Variants in CYGB observed in about 807,000 individuals in gnomAD.
CYGB encodes the protein histoglobin.
A neutral mutation model predicts 20.7 loss-of-function variants in CYGB; 13 were observed. That is an observed-to-expected ratio of 0.63 (90% confidence interval 0.41 to 1.00). The LOEUF (loss-of-function observed/expected upper bound fraction) is 1.00. Among genes scored for constraint, CYGB ranks in the 50% least tolerant of loss-of-function variants. The probability of loss-of-function intolerance (pLI) is 0.00; values close to 1 mark genes in which losing one functional copy is unlikely to be tolerated. For synonymous variants in CYGB, 93 were observed against 107.4 expected (o/e 0.87, Z 0.83); for missense variants, 218 against 257.2 (o/e 0.85, Z 1.04).
chr17:76,543,787 A>T (rs1157490963), intron 1 of CYGB: 1 of 470,684 alleles, frequency 2.1e-6, no homozygotes, highest in Non-Finnish European at 4.4e-6. Flanking sequence ...CTTTTGTGTC[A>T]TTTGCCTTTC....
At chr17:76,540,644 T>C, upstream of CYGB, 1 of 1,464,420 alleles carries the variant, frequency 6.8e-7, no homozygotes, top group Non-Finnish European at 9.5e-7. This position sits in a 1 kb window ranked among gnomAD's most constrained non-coding sequence, Gnocchi z 5.0. Flanking sequence ...TGCCTGGGGG[T>C]GCACGTGTGT....
chr17:76,533,266 C>T lies in CYGB; in HGVS notation c.144-1575G>A, dbSNP rs1055185671. Among the ~76,000 whole-genome samples, 24 of 152,170 alleles carry T rather than the reference C, an allele frequency of 1.6e-4. No individual in the cohort carries two copies. The highest frequency in any genetic ancestry group is 5.8e-4 in the African/African-American group (24 of 41,426). The stretch of plus-strand genomic sequence containing the variant: ...TTTGCAGAAGGGCAAGAGGAGGGCC[C>T]CCGCTCACTGCTTCATGGATACACG... On this transcript the variant is annotated intron_variant, in intron 1 of 3. Transcript: ENST00000293230. The surrounding 1 kb of genome is among the most constrained non-coding windows in gnomAD (Gnocchi z 4.5).
At chr17:76,532,832 C>A (rs571055016) in intron 1 of CYGB, among the ~76,000 whole-genome samples, 1 of 152,168 alleles carries the variant, frequency 6.6e-6, no homozygotes, top group Admixed American at 6.5e-5. Context: ...CCACCACGCC[C>A]GGCCGACAAT....
chr17:76,531,079 T>C lies in CYGB; in HGVS notation c.439A>G (p.Thr147Ala). ...CGCAGCTTGGCCCAGGCTCTCTGCG[T>C]CTCAGGTGGGAAGTCACTGGCAAAT... ...EEFASDFPPE[T>A]QRAWAKLRGL... Residue 147 changes from threonine (T) to alanine (A), a missense_variant, in exon 3 of 4, where the codon ACG becomes GCG. Around this residue, in one of 2 missense-constraint regions of CYGB, gnomAD observed 66 missense variants for 107.4 expected, o/e 0.61. Transcript: ENST00000293230. The surrounding 1 kb of genome is among the most constrained non-coding windows in gnomAD (Gnocchi z 7.4). 1 of 1,613,590 alleles carries C rather than the reference T, an allele frequency of 6.2e-7. No homozygotes were observed. Among genetic ancestry groups the C allele is most frequent in the Non-Finnish European group, 8.5e-7 (1 of 1,179,922 alleles).
intron 1 of CYGB, among the ~76,000 whole-genome samples, chr17:76,548,147 A>G (rs1265363861): frequency 1.3e-5 from 2 of 152,156 alleles, no homozygotes; most frequent in African/African-American, 4.8e-5. Context: ...ACACAGACAT[A>G]CACATTCACA....
At position 76,528,860 on chromosome 17, in the gene CYGB, TGTCTTGTGACATAAA is replaced by T. The variant is rs2074797968; in HGVS notation, c.540-264_540-250del. On this transcript the variant is annotated intron_variant, in intron 3 of 3. Coordinates refer to ENST00000293230, the MANE Select transcript of CYGB (RefSeq NM_134268.5). This position sits in a 1 kb window ranked among gnomAD's most constrained non-coding sequence, Gnocchi z 5.8. ...TTTTCTCTAAAATGTGAATAATGTC[TGTCTTGTGACATAAA>T]CTGGGTAAAAAAGTGTTTCACAAAC... The T allele has an allele frequency of 1.4e-5, 17 of 1,218,158 alleles. No individual in the cohort carries two copies. Among genetic ancestry groups the T allele is most frequent in the Non-Finnish European group, 1.6e-5 (16 of 977,290 alleles). The allele number at this position is 1,218,158 out of a possible 1,614,324, so 75.5% of individuals were successfully genotyped here. A position where few individuals can be genotyped will look rare whatever the true frequency, so the allele number is the denominator to read the frequency against.
At chr17:76,545,230 T>G (rs1351268659) in intron 1 of CYGB, 1 of 456,778 alleles carries the variant, frequency 2.2e-6, no homozygotes, top group Admixed American at 2.3e-5. Flanking sequence ...AAGTTACCTC[T>G]CTCAGCCTAG....
At position 76,528,198 on chromosome 17, in the gene CYGB, A is replaced by T. The variant is rs1428154789; in HGVS notation, c.*380T>A. 5.0e-6 allele frequency: 2 copies of T among 397,778 alleles called. No homozygotes were observed. The highest frequency in any genetic ancestry group is 8.8e-6 in the Non-Finnish European group (2 of 226,332). 24.6% of individuals were successfully genotyped at this position (397,778 alleles called of 1,614,324 possible). On this transcript the variant is annotated 3_prime_UTR_variant, in exon 4 of 4. Coordinates refer to ENST00000293230, the MANE Select transcript of CYGB (RefSeq NM_134268.5). The surrounding 1 kb of genome is among the most constrained non-coding windows in gnomAD (Gnocchi z 5.8). The stretch of plus-strand genomic sequence containing the variant: ...TGTATATATGGTAGATGTGTGCGTG[A>T]TACTCTAGATGGTGATGTGGAGACC...
Position 76,533,004 on chromosome 17 carries a change from G to A in CYGB, c.144-1313C>T, listed in dbSNP as rs146849292. On this transcript the variant is annotated intron_variant, in intron 1 of 3. Transcript: ENST00000293230. The surrounding 1 kb of genome is among the most constrained non-coding windows in gnomAD (Gnocchi z 4.5). The stretch of plus-strand genomic sequence containing the variant: ...CTGCCCCTTCGTGTGTCCCCTTTGC[G>A]ATCAGAGAGAGCTGATAATTTGCGG... Among the ~76,000 whole-genome samples, 370 of 152,326 alleles carry A rather than the reference G, an allele frequency of 2.4e-3. 2 individuals carry two copies. The highest frequency in any genetic ancestry group is 8.1e-3 in the African/African-American group (335 of 41,590).
chr17:76,542,456 G>A, upstream of CYGB: 2 of 1,407,856 alleles, frequency 1.4e-6, no homozygotes, highest in Non-Finnish European at 2.0e-6. Context: ...CAATATTGGG[G>A]TGAATTGATA....
At chr17:76,545,878 G>A (rs1031538045) in intron 1 of CYGB, 12 of 167,996 alleles carry the variant, frequency 7.1e-5, no homozygotes, top group Non-Finnish European at 1.3e-4. Flanking sequence ...CCTTCCTGCC[G>A]TCTCTCCACA....
chr17:76,545,005 T>TGGCTGC (rs1236355675), intron 1 of CYGB: 1 of 443,224 alleles, frequency 2.3e-6, no homozygotes, highest in Non-Finnish European at 4.5e-6. Context: ...AGCGGGGCTG[T>TGGCTGC]GGCTGCCTGG....
intron 1 of CYGB, chr17:76,532,211 C>G (rs2074852966): frequency 6.4e-6 from 1 of 156,900 alleles, no homozygotes; most frequent in Non-Finnish European, 1.4e-5. Context: ...AACTGTCCCC[C>G]ACCCGCTTCT....
At chr17:76,540,826 T>C (rs956721193), upstream of CYGB, among the ~76,000 whole-genome samples, 3 of 152,068 alleles carry the variant, frequency 2.0e-5, no homozygotes, top group Non-Finnish European at 4.4e-5. The surrounding 1 kb of genome is among the most constrained non-coding windows in gnomAD (Gnocchi z 5.0). Context: ...CACGGGGCGG[T>C]CCCCCGGGGC....
Position 76,536,814 on chromosome 17 carries a change from C to CTCCACTCCA in CYGB, c.143+585_143+586insTGGAGTGGA, listed in dbSNP as rs1322076380. Among the ~76,000 whole-genome samples, 4 of 152,214 alleles carry CTCCACTCCA rather than the reference C, an allele frequency of 2.6e-5. No individual in the cohort carries two copies. The East Asian group carries it at 7.7e-4, about 29-fold the overall frequency. On this transcript the variant is annotated intron_variant, in intron 1 of 3. Coordinates refer to ENST00000293230, the MANE Select transcript of CYGB (RefSeq NM_134268.5). ...AGGGGACTGTTTGCTTCTCCACTCA[C>CTCCACTCCA]CTGTGCCTGCCCTGGGCGCTCCTGC... is the stretch of plus-strand genomic sequence containing the variant.
chr17:76,539,351 G>A (rs2074959966), upstream of CYGB, among the ~76,000 whole-genome samples: 2 of 152,238 alleles, frequency 1.3e-5, no homozygotes, highest in Non-Finnish European at 2.9e-5. Flanking sequence ...TAGTCGTATG[G>A]TGTAGGAATG....
At chr17:76,540,188 G>A (rs1158300805), upstream of CYGB, 4 of 1,541,332 alleles carry the variant, frequency 2.6e-6, no homozygotes, top group Admixed American at 1.8e-5. The surrounding 1 kb of genome is among the most constrained non-coding windows in gnomAD (Gnocchi z 5.0). Flanking sequence ...ATGCTCTGGC[G>A]CCGCCGATTT....
At chr17:76,544,333 A>G (rs2075028977) in intron 1 of CYGB, 1 of 454,356 alleles carries the variant, frequency 2.2e-6, no homozygotes, top group African/African-American at 2.0e-5. Flanking sequence ...GCAGCACTTC[A>G]GCCGCCACTC....
At chr17:76,540,847 A>C (rs1312524428), upstream of CYGB, among the ~76,000 whole-genome samples, 3 of 152,228 alleles carry the variant, frequency 2.0e-5, no homozygotes, top group African/African-American at 7.2e-5. This position sits in a 1 kb window ranked among gnomAD's most constrained non-coding sequence, Gnocchi z 5.0. Flanking sequence ...ACCTTCTGTC[A>C]GAAGGCACAG....
Sources: allele counts gnomAD v4.1 joint callset (sites outside exome capture counted in the v4.1 genomes callset), GRCh38; gene constraint gnomAD v4.1.1; regional missense constraint gnomAD v4.1.1; non-coding constraint Gnocchi (gnomAD v3.1); transcripts MANE v1.5; gene names NCBI Gene and HGNC (gene_info 2026-07-23, HGNC 2026-07-21).